MEF2A: variants seen among roughly 807,000 people sequenced by gnomAD.
MEF2A encodes myocyte enhancer factor 2A.
A neutral mutation model predicts 55.8 loss-of-function variants in MEF2A; 28 were observed. That is an observed-to-expected ratio of 0.50 (90% CI 0.37 to 0.69). The LOEUF is 0.69. MEF2A is among the 30% of genes least tolerant of loss of function. MEF2A has a pLI of 0.00. For synonymous variants in MEF2A, 239 were observed against 227.1 expected (o/e 1.05, Z -0.47); for missense variants, 528 against 626.2 (o/e 0.84, Z 1.67).
chr15:99,625,065 C>T (rs1275797719), intron 2 of MEF2A, among the ~76,000 whole-genome samples: 2 of 152,082 alleles, frequency 1.3e-5, no homozygotes, highest in African/African-American at 2.4e-5. Context: ...GTTCTGAGCA[C>T]GTTTAAGATA....
intron 3 of MEF2A, among the ~76,000 whole-genome samples, chr15:99,643,968 T>A (rs1265833590): frequency 6.6e-6 from 1 of 152,218 alleles, no homozygotes; most frequent in African/African-American, 2.4e-5. Context: ...TGACACAATT[T>A]ACATGTAAAT....
intron 1 of MEF2A, among the ~76,000 whole-genome samples, chr15:99,589,148 T>G (rs1968417185): frequency 6.6e-6 from 1 of 152,232 alleles, no homozygotes; most frequent in Admixed American, 6.5e-5. Flanking sequence ...TATTAAATCT[T>G]TAGATGATTG....
In MEF2A at chr15:99,712,421, T is replaced by G. The variant is rs1323038646; in HGVS notation, c.1168T>G (p.Leu390Val). The change falls in exon 12 of 12, where the codon TTA (leucine) becomes GTA (valine). Residue 390 changes from leucine to valine, a missense_variant. By Grantham distance (32) the Leu-to-Val change is conservative. Around this residue, in one of 2 missense-constraint regions of MEF2A, gnomAD observed 450 missense variants for 475.3 expected, o/e 0.95. Transcript: ENST00000557942. This position sits in a 1 kb window ranked among gnomAD's most constrained non-coding sequence, Gnocchi z 4.1. Reference protein sequence around the residue: ...AGGQLSQGSNLSINTNQNISI... With the variant: ...AGGQLSQGSNVSINTNQNISI... ...AGGGCAGTTATCTCAGGGTTCCAAT[T>G]TATCCATTAATACCAACCAAAACAT... 9 of 1,541,980 alleles carry G rather than the reference T, an allele frequency of 5.8e-6. No individual in the cohort carries two copies. The highest frequency in any genetic ancestry group is 7.9e-6 in the Non-Finnish European group (9 of 1,138,988).
chr15:99,631,362 G>A (rs2042913169), intron 2 of MEF2A, among the ~76,000 whole-genome samples: 1 of 152,146 alleles, frequency 6.6e-6, no homozygotes, highest in African/African-American at 2.4e-5. Flanking sequence ...CAGCCTGTTT[G>A]ATTGGGCCCC....
chr15:99,632,968 T>C lies in MEF2A; in HGVS notation c.-142-10T>C. On this transcript the variant is annotated splice_polypyrimidine_tract_variant and intron_variant, in intron 2 of 11. Transcript: ENST00000557942. ...AGATTTTAAATCTTCTAATTTGTGT[T>C]TTCTTTTAGATCTTGTAGAAAATTT... 1.8e-6 allele frequency: 1 copy of C among 570,770 alleles called. No individual in the cohort carries two copies. The highest frequency in any genetic ancestry group is 3.1e-6 in the Non-Finnish European group (1 of 326,140). 35.4% of individuals were successfully genotyped at this position (570,770 alleles called of 1,614,324 possible). A position where few individuals can be genotyped will look rare whatever the true frequency, so the allele number is the denominator to read the frequency against.
At chr15:99,663,521 T>C (rs1459861716) in intron 4 of MEF2A, among the ~76,000 whole-genome samples, 1 of 151,890 alleles carries the variant, frequency 6.6e-6, no homozygotes. Flanking sequence ...CATGGAAGTT[T>C]TTATGTATAT....
chr15:99,568,265 G>T (rs1189796571), intron 1 of MEF2A, among the ~76,000 whole-genome samples: 1 of 152,108 alleles, frequency 6.6e-6, no homozygotes, highest in Non-Finnish European at 1.5e-5. Flanking sequence ...TTGAATTATG[G>T]TTTGAGAATA....
chr15:99,685,670 G>A (rs575244161), intron 7 of MEF2A, among the ~76,000 whole-genome samples: 1 of 152,188 alleles, frequency 6.6e-6, no homozygotes, highest in African/African-American at 2.4e-5. Flanking sequence ...AAACCCACTT[G>A]ATCATGGTGT....
chr15:99,686,173 A>G (rs1003692474), intron 7 of MEF2A, among the ~76,000 whole-genome samples: 1 of 152,116 alleles, frequency 6.6e-6, no homozygotes, highest in African/African-American at 2.4e-5. Context: ...TGGATTTTTA[A>G]CCATTCTGCC....
chr15:99,572,678 T>C (rs1439487619), intron 1 of MEF2A, among the ~76,000 whole-genome samples: 1 of 152,204 alleles, frequency 6.6e-6, no homozygotes, highest in Non-Finnish European at 1.5e-5. Context: ...ATAGTTATAG[T>C]TATTGAACTA....
At chr15:99,593,294 A>T (rs1596335151) in intron 1 of MEF2A, among the ~76,000 whole-genome samples, 1 of 152,104 alleles carries the variant, frequency 6.6e-6, no homozygotes, top group East Asian at 1.9e-4. Flanking sequence ...TGTCGTCCTG[A>T]CTGTGCATCC....
chr15:99,697,055 A>T (rs903310282), intron 8 of MEF2A, among the ~76,000 whole-genome samples: 3 of 26,322 alleles, frequency 1.1e-4, no homozygotes, highest in African/African-American at 1.5e-4. Context: ...TTCATCATTT[A>T]AAAAAAAAAA....
intron 4 of MEF2A, 51 bp from the exon 5 acceptor site, chr15:99,671,272 C>T (rs896890193): frequency 6.4e-7 from 1 of 1,570,282 alleles, no homozygotes; most frequent in Non-Finnish European, 8.6e-7. Context: ...TACAGAAAAA[C>T]TCATGGCAAG....
chr15:99,589,108 C>G (rs1164294293), intron 1 of MEF2A, among the ~76,000 whole-genome samples: 1 of 152,178 alleles, frequency 6.6e-6, no homozygotes, highest in African/African-American at 2.4e-5. Context: ...TCCTCTCCTT[C>G]TGTTTCCTGA....
At chr15:99,695,541 T>TTGTGTGTGTGTGTG (rs3979129) in intron 8 of MEF2A, among the ~76,000 whole-genome samples, 1,740 of 144,858 alleles carry the variant, frequency 0.012, 22 homozygotes, top group East Asian at 0.033. Context: ...ATTGTCAGAT[T>TTGTGTGTGTGTGTG]TGTGTGTGTG....
intron 4 of MEF2A, among the ~76,000 whole-genome samples, chr15:99,659,894 A>C (rs1024407894): frequency 6.6e-6 from 1 of 152,220 alleles, no homozygotes; most frequent in African/African-American, 2.4e-5. Context: ...ATAAAGAAAA[A>C]ATAGAAAAAT....
At chr15:99,634,163 A>C (rs889080994) in intron 3 of MEF2A, among the ~76,000 whole-genome samples, 7 of 152,352 alleles carry the variant, frequency 4.6e-5, no homozygotes, top group Admixed American at 2.0e-4. Flanking sequence ...TGTGTTCTGC[A>C]AATCTGAGTA....
chr15:99,693,424 C>G (rs2055876704), intron 8 of MEF2A, among the ~76,000 whole-genome samples: 8 of 150,446 alleles, frequency 5.3e-5, no homozygotes, highest in Admixed American at 5.3e-4. Context: ...TGCACGCATG[C>G]ACACACACAC....
intron 4 of MEF2A, among the ~76,000 whole-genome samples, chr15:99,666,141 C>T (rs978958890): frequency 2.6e-5 from 4 of 152,038 alleles, no homozygotes; most frequent in Admixed American, 6.6e-5. Flanking sequence ...TGCACACATA[C>T]GTTTACTGCG....
Sources: allele counts gnomAD v4.1 joint callset (sites outside exome capture counted in the v4.1 genomes callset), GRCh38; gene constraint gnomAD v4.1.1; regional missense constraint gnomAD v4.1.1; non-coding constraint Gnocchi (gnomAD v3.1); transcripts MANE v1.5; gene names NCBI Gene and HGNC (gene_info 2026-07-23, HGNC 2026-07-21).